The following LRFN5 variants were observed in gnomAD, a reference collection of about 807,000 sequenced individuals.
LRFN5 encodes leucine-rich repeat and fibronectin type-III domain-containing protein 5.
LRFN5 carries 24 observed loss-of-function variants against 45.6 expected under a neutral mutation model. That is an observed-to-expected ratio of 0.53 (90% confidence interval 0.38 to 0.74). The LOEUF (loss-of-function observed/expected upper bound fraction) is 0.74, where lower values mean the gene tolerates loss of function less well. Ranked by LOEUF, LRFN5 falls within the 30% of genes least tolerant of loss-of-function variation. The pLI, the probability that LRFN5 is intolerant of heterozygous loss-of-function variation, is 0.00. For missense variants in LRFN5, 776 were observed against 861.5 expected (o/e 0.90, Z 1.24); for synonymous variants, 340 against 313.8 (o/e 1.08, Z -0.88).
intron 1 of LRFN5, among the ~76,000 whole-genome samples, chr14:41,711,430 A>G (rs1430239585): frequency 1.3e-5 from 2 of 152,148 alleles, no homozygotes; most frequent in African/African-American, 4.8e-5. Flanking sequence ...CCAGCCCTGG[A>G]GAGTAACATC....
rs188199362 is a variant in LRFN5, at chr14:41,728,158, A to G, written c.-196-38696A>G. Among the ~76,000 whole-genome samples, 9 of 152,262 alleles carry G rather than the reference A, an allele frequency of 5.9e-5. No homozygotes were observed. In the East Asian group the frequency reaches 1.7e-3, roughly 29 times the overall value. On this transcript the variant is annotated intron_variant, in intron 1 of 5. Coordinates refer to ENST00000298119, the MANE Select transcript of LRFN5 (RefSeq NM_152447.5). ...TGTATTTCACTTTGAGCAATCTTCCATTAGTCATATTTATTGGATAAACTT... is the reference window on the plus strand; with the variant it reads ...TGTATTTCACTTTGAGCAATCTTCCGTTAGTCATATTTATTGGATAAACTT...
intron 2 of LRFN5, among the ~76,000 whole-genome samples, chr14:41,869,261 C>T (rs78183377): frequency 0.012 from 1,852 of 152,180 alleles, 15 homozygotes; most frequent in Non-Finnish European, 0.017. Context: ...TTTTGCATGT[C>T]TCCTGAGCAC....
chr14:41,795,804 A>G (rs917749483), intron 2 of LRFN5, among the ~76,000 whole-genome samples: 18 of 152,058 alleles, frequency 1.2e-4, no homozygotes, highest in African/African-American at 4.1e-4. Context: ...GAGGAATAGC[A>G]TTAGAAGAAA....
At chr14:41,667,442 G>T (rs1880953584) in intron 1 of LRFN5, among the ~76,000 whole-genome samples, 1 of 152,116 alleles carries the variant, frequency 6.6e-6, no homozygotes, top group South Asian at 2.1e-4. Context: ...CTTGAAATGT[G>T]CCTCGTGTGA....
At chr14:41,723,881 A>T (rs530444268) in intron 1 of LRFN5, among the ~76,000 whole-genome samples, 1 of 152,170 alleles carries the variant, frequency 6.6e-6, no homozygotes, top group Non-Finnish European at 1.5e-5. Flanking sequence ...CTGACTTTGT[A>T]TACACCTGGA....
intron 2 of LRFN5, among the ~76,000 whole-genome samples, chr14:41,774,038 A>G (rs1886189367): frequency 6.6e-6 from 1 of 152,156 alleles, no homozygotes; most frequent in Non-Finnish European, 1.5e-5. Flanking sequence ...TTACTGTGAA[A>G]TGTCCAGGGA....
At chr14:41,770,613 A>G (rs1272951513) in intron 2 of LRFN5, among the ~76,000 whole-genome samples, 2 of 152,304 alleles carry the variant, frequency 1.3e-5, no homozygotes, top group Non-Finnish European at 2.9e-5. Flanking sequence ...CCTCGACTTC[A>G]TGTTCCACAG....
At chr14:41,847,368 T>A (rs1205881422) in intron 2 of LRFN5, among the ~76,000 whole-genome samples, 2 of 152,164 alleles carry the variant, frequency 1.3e-5, no homozygotes, top group Non-Finnish European at 2.9e-5. Flanking sequence ...TTACTTAATT[T>A]ACTTGCCTGC....
intron 1 of LRFN5, among the ~76,000 whole-genome samples, chr14:41,692,222 A>T (rs895577791): frequency 2.6e-5 from 4 of 152,054 alleles, no homozygotes; most frequent in African/African-American, 9.7e-5. Flanking sequence ...GCTCCACATC[A>T]TTGCCAATAT....
intron 2 of LRFN5, among the ~76,000 whole-genome samples, chr14:41,841,816 G>C (rs1431624615): frequency 6.6e-6 from 1 of 151,382 alleles, no homozygotes; most frequent in South Asian, 2.1e-4. Flanking sequence ...GTTGTTTTGT[G>C]GGTTAGTTTT....
chr14:41,607,169 C>G lies in LRFN5; in HGVS notation c.-1590C>G, dbSNP rs1238606190. On this transcript the variant is annotated 5_prime_UTR_variant, in exon 1 of 6. Coordinates refer to ENST00000298119, the MANE Select transcript of LRFN5 (RefSeq NM_152447.5). ...GTGCGCGTGTTTGCGTGTGTTTGAG[C>G]GTGTTTTTCCTTCTTCCCTTGAGGA... 1.3e-5 allele frequency among the ~76,000 whole-genome samples: 2 copies of G among 152,118 alleles called. No individual in the cohort carries two copies. The highest frequency in any genetic ancestry group is 4.8e-5 in the African/African-American group (2 of 41,436).
intron 3 of LRFN5, among the ~76,000 whole-genome samples, chr14:41,890,502 T>C (rs897668526): frequency 2.0e-5 from 3 of 150,790 alleles, no homozygotes; most frequent in Non-Finnish European, 4.4e-5. Flanking sequence ...GGTCAGGAGA[T>C]CGAGACCATC....
rs757797795 is a variant in LRFN5 at position 41,887,522 on chromosome 14, G to A, written c.897G>A (p.Leu299=). 1 of 1,614,176 alleles carries A rather than the reference G, an allele frequency of 6.2e-7. No homozygotes were observed. The highest frequency in any genetic ancestry group is 8.5e-7 in the Non-Finnish European group (1 of 1,180,026). ...ITRHTHEMRV[L]EGQRATLRCK... ...GTCATACACATGAGATGAGAGTCCT[G>A]GAGGGACAAAGGGCAACACTGAGGT... The change falls in exon 3 of 6, where the codon CTG becomes CTA. Residue 299 remains leucine (L), a synonymous_variant. Transcript: ENST00000298119. This position sits in a 1 kb window ranked among gnomAD's most constrained non-coding sequence, Gnocchi z 4.8.
chr14:41,879,420 C>T (rs1890297059), intron 2 of LRFN5, among the ~76,000 whole-genome samples: 1 of 151,862 alleles, frequency 6.6e-6, no homozygotes. Flanking sequence ...TGAAGAATTT[C>T]CGTATACCCT....
intron 1 of LRFN5, among the ~76,000 whole-genome samples, chr14:41,736,093 T>C (rs193016841): frequency 3.9e-5 from 6 of 152,340 alleles, no homozygotes; most frequent in Admixed American, 2.0e-4. Context: ...TATAGTAGAA[T>C]GATTTATAAT....
chr14:41,763,183 C>T (rs1885740518), intron 1 of LRFN5, among the ~76,000 whole-genome samples: 2 of 152,144 alleles, frequency 1.3e-5, no homozygotes, highest in Admixed American at 6.5e-5. Flanking sequence ...CTTTCACATA[C>T]ATTGTATCTT....
chr14:41,632,890 C>T (rs1888598897), intron 1 of LRFN5, among the ~76,000 whole-genome samples: 1 of 151,952 alleles, frequency 6.6e-6, no homozygotes, highest in Non-Finnish European at 1.5e-5. Context: ...AAGGATATTG[C>T]CTTAATAATC....
chr14:41,827,609 C>A (rs1888342653), intron 2 of LRFN5, among the ~76,000 whole-genome samples: 1 of 151,888 alleles, frequency 6.6e-6, no homozygotes, highest in Non-Finnish European at 1.5e-5. Context: ...TGGGCACCAT[C>A]TGATATTAAT....
intron 1 of LRFN5, among the ~76,000 whole-genome samples, chr14:41,710,254 A>T (rs1883227693): frequency 6.6e-6 from 1 of 152,172 alleles, no homozygotes; most frequent in Admixed American, 6.5e-5. Context: ...ACAATTTTAG[A>T]TACTGACCAA....
Sources: gnomAD v4.1 joint callset for allele counts (sites outside exome capture counted in the v4.1 genomes callset) on GRCh38, gnomAD v4.1.1 for gene constraint, Gnocchi (gnomAD v3.1) non-coding constraint, MANE v1.5 for transcripts, NCBI Gene and HGNC (gene_info 2026-07-23, HGNC 2026-07-21) for gene names.